GALNTL6: variants seen among roughly 807,000 people sequenced by gnomAD.
The protein encoded by GALNTL6 is polypeptide N-acetylgalactosaminyltransferase-like 6.
Under a neutral mutation model 73.7 loss-of-function variants are expected in GALNTL6, and 46 were observed. The ratio of observed to expected loss-of-function variants is 0.62; its 90% CI spans 0.49 to 0.80. The LOEUF (loss-of-function observed/expected upper bound fraction) is 0.80. GALNTL6 is among the 30% of genes least tolerant of loss of function. GALNTL6 has a pLI of 0.00. For missense variants in GALNTL6, 604 were observed against 755.0 expected (o/e 0.80, Z 2.34); for synonymous variants, 259 against 263.7 (o/e 0.98, Z 0.17).
intron 5 of GALNTL6, among the ~76,000 whole-genome samples, chr4:172,547,634 T>G (rs1466025582): frequency 6.6e-6 from 1 of 152,196 alleles, no homozygotes; most frequent in Non-Finnish European, 1.5e-5. Context: ...CAATCTCACT[T>G]ACTTCCTCTT....
rs182340594 is a variant in GALNTL6 at position 172,369,733 on chromosome 4, C to T, written c.553+21044C>T. On this transcript the variant is annotated intron_variant, in intron 5 of 12. Coordinates refer to ENST00000506823, the MANE Select transcript of GALNTL6 (RefSeq NM_001034845.3). Reference sequence around the variant, plus strand: ...CCCAGGTGCTAAGCCCCTCACTGCCCGGGGCCGGTGGTACAGGCTGGCCAC... The same window carrying T: ...CCCAGGTGCTAAGCCCCTCACTGCCTGGGGCCGGTGGTACAGGCTGGCCAC... Among the ~76,000 whole-genome samples, 416 of 152,280 alleles carry T rather than the reference C, an allele frequency of 2.7e-3. 2 individuals are homozygous for T. The highest frequency in any genetic ancestry group is 9.1e-3 in the African/African-American group (380 of 41,552).
chr4:172,074,133 C>T (rs953298979), intron 2 of GALNTL6, among the ~76,000 whole-genome samples: 1 of 152,022 alleles, frequency 6.6e-6, no homozygotes, highest in South Asian at 2.1e-4. Context: ...AGGAATAAGC[C>T]CTAAATACTT....
chr4:172,963,681 T>G (rs187727375), intron 10 of GALNTL6, among the ~76,000 whole-genome samples: 1 of 152,316 alleles, frequency 6.6e-6, no homozygotes, highest in East Asian at 1.9e-4. Flanking sequence ...CACTAGACAG[T>G]CACTCCCTCC....
At chr4:172,992,967 C>T (rs565569894) in intron 10 of GALNTL6, among the ~76,000 whole-genome samples, 1 of 152,258 alleles carries the variant, frequency 6.6e-6, no homozygotes, top group Admixed American at 6.5e-5. Context: ...TGAACAAGGG[C>T]AGCTTGGAGG....
rs527765337 is a variant in GALNTL6, at chr4:172,720,635, C to G, written c.554-88726C>G. ...TGCAAATGAAAAACTTCCTCTAAAT[C>G]AATATAAACAAAAAATTAAAAGGCT... On this transcript the variant is annotated intron_variant, in intron 5 of 12. Coordinates refer to ENST00000506823, the MANE Select transcript of GALNTL6 (RefSeq NM_001034845.3). Among the ~76,000 whole-genome samples, 4 of 152,246 alleles carry G rather than the reference C, an allele frequency of 2.6e-5. No individual in the cohort carries two copies. The South Asian group carries it at 8.3e-4, about 32-fold the overall frequency.
At chr4:171,923,036 G>T (rs924722902) in intron 2 of GALNTL6, among the ~76,000 whole-genome samples, 11 of 151,962 alleles carry the variant, frequency 7.2e-5, no homozygotes, top group African/African-American at 2.4e-4. Context: ...AGCATAAAAA[G>T]CCAGGAGAAA....
chr4:172,785,842 TTA>T (rs1044741488), intron 5 of GALNTL6, among the ~76,000 whole-genome samples: 1 of 152,176 alleles, frequency 6.6e-6, no homozygotes, highest in Non-Finnish European at 1.5e-5. Flanking sequence ...GCTCTGGGGC[TTA>T]TGTTTTCTGT....
At chr4:172,921,160 G>A (rs1431748549) in intron 8 of GALNTL6, among the ~76,000 whole-genome samples, 1 of 152,216 alleles carries the variant, frequency 6.6e-6, no homozygotes, top group African/African-American at 2.4e-5. Flanking sequence ...TGGGCAGAAG[G>A]AGGGAAGGAA....
At chr4:172,412,031 T>C (rs533632397) in intron 5 of GALNTL6, among the ~76,000 whole-genome samples, 63 of 151,850 alleles carry the variant, frequency 4.1e-4, no homozygotes, top group African/African-American at 1.4e-3. Flanking sequence ...ATTTATTATA[T>C]ATTTATTTAT....
intron 9 of GALNTL6, among the ~76,000 whole-genome samples, chr4:172,932,560 C>T (rs1748406147): frequency 6.6e-6 from 1 of 152,114 alleles, no homozygotes; most frequent in Non-Finnish European, 1.5e-5. Context: ...AATGGAAATA[C>T]AGGCTGAGTA....
chr4:172,505,174 G>A lies in GALNTL6; in HGVS notation c.553+156485G>A, dbSNP rs772720124. Reference sequence around the variant, plus strand: ...TTTCAGAACAGACAATTTCGGAGTGGCAACTGCATATTTCAGTTGTTAATT... The same window carrying A: ...TTTCAGAACAGACAATTTCGGAGTGACAACTGCATATTTCAGTTGTTAATT... On this transcript the variant is annotated intron_variant, in intron 5 of 12. Transcript: ENST00000506823. Among the ~76,000 whole-genome samples, 2 of 55,184 alleles carry A rather than the reference G, an allele frequency of 3.6e-5. 1 individual carries two copies. Among genetic ancestry groups the A allele is most frequent in the African/African-American group, 9.0e-5 (2 of 22,162 alleles). The allele number at this position is 55,184 out of a possible 152,430, so 36.2% of individuals were successfully genotyped here.
chr4:172,239,666 G>C (rs1220406065), intron 3 of GALNTL6, among the ~76,000 whole-genome samples: 2 of 151,926 alleles, frequency 1.3e-5, no homozygotes, highest in East Asian at 3.9e-4. Context: ...ATTTCCTCAA[G>C]GTGTGATGTT....
At chr4:172,746,895 A>T (rs1311365754) in intron 5 of GALNTL6, among the ~76,000 whole-genome samples, 3 of 152,144 alleles carry the variant, frequency 2.0e-5, no homozygotes, top group Non-Finnish European at 2.9e-5. Flanking sequence ...ATAGGAAAGG[A>T]TGAAGTAAAA....
At chr4:172,020,375 C>CT (rs35809503) in intron 2 of GALNTL6, among the ~76,000 whole-genome samples, 98 of 142,648 alleles carry the variant, frequency 6.9e-4, no homozygotes, top group East Asian at 2.8e-3. Context: ...CAAAAGGTTG[C>CT]TTTTTTTTTT....
At chr4:172,374,368 A>G (rs1214344903) in intron 5 of GALNTL6, among the ~76,000 whole-genome samples, 1 of 152,122 alleles carries the variant, frequency 6.6e-6, no homozygotes, top group African/African-American at 2.4e-5. Context: ...AATTTTGTTC[A>G]GGGCCCAGGG....
At chr4:172,058,113 G>GTTTTGTTTTGTTTTGTT (rs1731083162) in intron 2 of GALNTL6, among the ~76,000 whole-genome samples, 1 of 146,266 alleles carries the variant, frequency 6.8e-6, no homozygotes, top group Admixed American at 6.9e-5. Flanking sequence ...GGCTGAAGTG[G>GTTTTGTTTTGTTTTGTT]TTGTTTTGTT....
intron 3 of GALNTL6, among the ~76,000 whole-genome samples, chr4:172,249,367 C>T (rs1163159682): frequency 5.3e-5 from 8 of 152,110 alleles, no homozygotes; most frequent in Admixed American, 5.2e-4. Flanking sequence ...CAAGAGGAAG[C>T]AGAGCATTCA....
chr4:172,601,095 G>A (rs1738037137), intron 5 of GALNTL6, among the ~76,000 whole-genome samples: 1 of 151,940 alleles, frequency 6.6e-6, no homozygotes, highest in African/African-American at 2.4e-5. Flanking sequence ...AATATAATGA[G>A]GAGAGAAATA....
intron 5 of GALNTL6, among the ~76,000 whole-genome samples, chr4:172,429,825 G>A (rs1731373072): frequency 6.6e-6 from 1 of 152,052 alleles, no homozygotes; most frequent in Non-Finnish European, 1.5e-5. Context: ...GAAGTATGAA[G>A]CGTATTTGAT....
Sources: gnomAD v4.1 joint callset for allele counts (sites outside exome capture counted in the v4.1 genomes callset) on GRCh38, gnomAD v4.1.1 for gene constraint, MANE v1.5 for transcripts, NCBI Gene and HGNC (gene_info 2026-07-23, HGNC 2026-07-21) for gene names.